The following WARS1 variants were observed in gnomAD, a reference collection of about 807,000 sequenced individuals.
WARS1 encodes the protein tryptophanyl-tRNA synthetase 1.
WARS1 carries 17 observed loss-of-function variants against 47.8 expected under a neutral mutation model. The ratio of observed to expected loss-of-function variants is 0.36; its 90% CI spans 0.24 to 0.53. The LOEUF is 0.53. Ranked by LOEUF, WARS1 falls within the 20% of genes least tolerant of loss-of-function variation. The pLI is 0.91. For synonymous variants in WARS1, 208 were observed against 228.1 expected, an observed-to-expected ratio of 0.91 and a Z score of 0.79; for missense variants, 434 against 608.0, an observed-to-expected ratio of 0.71 and a Z score of 3.01.
intron 9 of WARS1, among the ~76,000 whole-genome samples, chr14:100,339,020 C>T (rs926868882): frequency 6.6e-6 from 1 of 151,346 alleles, no homozygotes; most frequent in East Asian, 2.0e-4. Flanking sequence ...GCAGGAGAAT[C>T]GCTTGAACCC....
At position 100,342,443 on chromosome 14, in the gene WARS1, G is replaced by A. The variant is rs1486228798; in HGVS notation, c.1068C>T (p.Asn356=). 1.2e-6 allele frequency: 2 copies of A among 1,614,140 alleles called. No homozygotes were observed. The highest frequency in any genetic ancestry group is 1.1e-5 in the South Asian group (1 of 91,080). The part of the protein sequence containing the change: ...AQTKMSASDP[N]SSIFLTDTAK... Reference sequence around the variant, plus strand: ...CCGTGTCGGTGAGGAAGATGGAGGAGTTGGGGTCGCTGGCACTCATTTTGG... The same window carrying A: ...CCGTGTCGGTGAGGAAGATGGAGGAATTGGGGTCGCTGGCACTCATTTTGG... The change falls in exon 9 of 11, where the codon AAC becomes AAT. Residue 356 remains asparagine (N), a synonymous_variant. Transcript: ENST00000392882.
intron 6 of WARS1, among the ~76,000 whole-genome samples, chr14:100,348,968 C>T (rs751573861): frequency 4.6e-5 from 7 of 152,220 alleles, no homozygotes; most frequent in Non-Finnish European, 7.3e-5. Context: ...CGGCTGTCCC[C>T]CTGCACAGCT....
chr14:100,340,914 TTTC>T (rs1252064014), intron 9 of WARS1, among the ~76,000 whole-genome samples: 131 of 126,798 alleles, frequency 1.0e-3, no homozygotes, highest in African/African-American at 2.6e-3. Flanking sequence ...TCTTTTTTCT[TTTC>T]TTTTTTTTTT....
At chr14:100,345,099 C>T (rs1418114030) in intron 7 of WARS1, among the ~76,000 whole-genome samples, 1 of 53,778 alleles carries the variant, frequency 1.9e-5, no homozygotes, top group Non-Finnish European at 4.3e-5. Flanking sequence ...AGGTGAGGGG[C>T]GCCTCTGCCC....
At position 100,334,696 on chromosome 14, in the gene WARS1, A is replaced by C; in HGVS notation, c.*179T>G. The C allele has an allele frequency of 1.6e-6, 1 of 644,460 alleles. No homozygotes were observed. The highest frequency in any genetic ancestry group is 2.5e-6 in the Non-Finnish European group (1 of 392,948). The allele number at this position is 644,460 out of a possible 1,614,324, so 39.9% of individuals were successfully genotyped here. On this transcript the variant is annotated 3_prime_UTR_variant, in exon 11 of 11. Transcript: ENST00000392882. ...ACCCACAATGCTTTGCCCATAAGAGATAGAAATAATGGAACTCACAGGAAG... is the reference window on the plus strand; with the variant it reads ...ACCCACAATGCTTTGCCCATAAGAGCTAGAAATAATGGAACTCACAGGAAG...
At chr14:100,356,028 T>G (rs1307377191) in intron 4 of WARS1, among the ~76,000 whole-genome samples, 1 of 152,120 alleles carries the variant, frequency 6.6e-6, no homozygotes, top group Non-Finnish European at 1.5e-5. Context: ...GTGCAGAAAT[T>G]TACTGGGTTC....
At chr14:100,358,555 T>A (rs1241748895) in intron 4 of WARS1, among the ~76,000 whole-genome samples, 1 of 152,220 alleles carries the variant, frequency 6.6e-6, no homozygotes, top group East Asian at 1.9e-4. Context: ...AACTGAAATG[T>A]AAGAGCTAAA....
chr14:100,352,029 C>T (rs559223874), intron 6 of WARS1, among the ~76,000 whole-genome samples: 3 of 150,546 alleles, frequency 2.0e-5, no homozygotes, highest in Non-Finnish European at 4.4e-5. Context: ...AACAGTTTTA[C>T]TGGCTGATAG....
intron 2 of WARS1, among the ~76,000 whole-genome samples, chr14:100,363,747 C>A (rs1235902086): frequency 6.6e-6 from 1 of 152,070 alleles, no homozygotes; most frequent in Non-Finnish European, 1.5e-5. Context: ...TCACTTCAGT[C>A]TCCTGAGTAG....
At chr14:100,340,194 C>T (rs904084971) in intron 9 of WARS1, 5 of 152,188 alleles carry the variant, frequency 3.3e-5, no homozygotes, top group African/African-American at 1.2e-4. Flanking sequence ...AGTTCTGCCT[C>T]CTTGACGTGA....
At chr14:100,371,129 C>T (rs1258508688) in intron 1 of WARS1, among the ~76,000 whole-genome samples, 2 of 152,040 alleles carry the variant, frequency 1.3e-5, no homozygotes, top group Admixed American at 1.3e-4. Context: ...TCTATCCTAT[C>T]CATTTGTTAA....
chr14:100,376,006 GA>G, upstream of WARS1: 1 of 153,574 alleles, frequency 6.5e-6, no homozygotes, highest in Non-Finnish European at 1.4e-5. Context: ...CTCTCCTCGG[GA>G]AAAGCGAACA....
chr14:100,337,941 G>A (rs1315966812), intron 9 of WARS1, among the ~76,000 whole-genome samples: 3 of 152,096 alleles, frequency 2.0e-5, no homozygotes, highest in Non-Finnish European at 4.4e-5. Flanking sequence ...ATGGCAGGAA[G>A]GGCAGCCTCT....
upstream of WARS1, chr14:100,376,084 G>C (rs977790094): frequency 6.3e-6 from 1 of 159,320 alleles, no homozygotes; most frequent in African/African-American, 2.4e-5. Context: ...TCAGAGGAAA[G>C]GGGCGAGGGG....
chr14:100,352,395 G>T (rs1169535148), intron 6 of WARS1, among the ~76,000 whole-genome samples: 1 of 152,148 alleles, frequency 6.6e-6, no homozygotes, highest in Non-Finnish European at 1.5e-5. Flanking sequence ...TGGGATTACA[G>T]GCATGAGCCA....
intron 8 of WARS1, 83 bp from the exon 9 acceptor site, chr14:100,342,654 C>A: frequency 7.6e-7 from 1 of 1,318,594 alleles, no homozygotes; most frequent in Non-Finnish European, 1.0e-6. Context: ...TGAGCATCTT[C>A]CCAGAAGGCT....
At position 100,336,071 on chromosome 14, in the gene WARS1, C is replaced by T. The variant is rs143966821; in HGVS notation, c.1254+991G>A. On this transcript the variant is annotated intron_variant, in intron 10 of 10. Coordinates refer to ENST00000392882, the MANE Select transcript of WARS1 (RefSeq NM_004184.4). Reference sequence around the variant, plus strand: ...CGGGTGGATCACGAGGTCGGGAGGTCGAGACCATCTTGAATAAGACGGTAA... The same window carrying T: ...CGGGTGGATCACGAGGTCGGGAGGTTGAGACCATCTTGAATAAGACGGTAA... Among the ~76,000 whole-genome samples, 915 of 151,472 alleles carry T rather than the reference C, an allele frequency of 6.0e-3. 6 individuals are homozygous for T. Among genetic ancestry groups the T allele is most frequent in the Middle Eastern group, 0.01 (3 of 294 alleles).
At position 100,334,965 on chromosome 14, in the gene WARS1, G is replaced by T; in HGVS notation, c.1326C>A (p.Ile442=). Residue 442 remains isoleucine (I), a synonymous_variant, in exon 11 of 11, where the codon ATC becomes ATA. Coordinates refer to ENST00000392882, the MANE Select transcript of WARS1 (RefSeq NM_004184.4). ...KALIEVLQPL[I]AEHQARRKEV... ...CCTTGCGCCGGGCCTGGTGCTCTGC[G>T]ATCAAGGGCTGCAGAACCTCTATGA... 1 of 1,614,188 alleles carries T rather than the reference G, an allele frequency of 6.2e-7. No homozygotes were observed.
chr14:100,346,695 T>TC (rs748038559), intron 7 of WARS1, 51 bp downstream of exon 7: 2 of 1,423,148 alleles, frequency 1.4e-6, no homozygotes, highest in African/African-American at 2.8e-5. Flanking sequence ...AGAACTCTGC[T>TC]CCTTTTTGAA....
Sources: gnomAD v4.1 joint callset for allele counts (sites outside exome capture counted in the v4.1 genomes callset) on GRCh38, gnomAD v4.1.1 for gene constraint, MANE v1.5 for transcripts, NCBI Gene and HGNC (gene_info 2026-07-23, HGNC 2026-07-21) for gene names.